ANO2: variants seen among roughly 807,000 people sequenced by gnomAD.
ANO2 encodes anoctamin-2.
In ANO2, 101 loss-of-function variants were observed where a neutral mutation model predicts 124.2. The ratio of observed to expected loss-of-function variants is 0.81; its 90% CI spans 0.69 to 0.96. The LOEUF (loss-of-function observed/expected upper bound fraction) is 0.96, where lower values mean the gene tolerates loss of function less well. Ranked by LOEUF, ANO2 falls within the 40% of genes least tolerant of loss-of-function variation. The pLI is 0.00. For synonymous variants in ANO2, 486 were observed against 482.5 expected (o/e 1.01, Z -0.09); for missense variants, 1,293 against 1,274.5 (o/e 1.01, Z -0.22).
intron 10 of ANO2, among the ~76,000 whole-genome samples, chr12:5,758,772 G>A (rs1023052218): frequency 5.3e-5 from 8 of 152,136 alleles, no homozygotes; most frequent in Non-Finnish European, 1.5e-5. Flanking sequence ...AGGCATGTAG[G>A]CATAATACTA....
intron 10 of ANO2, among the ~76,000 whole-genome samples, chr12:5,763,744 TTTGAAACA>T (rs1012057979): frequency 1.3e-5 from 2 of 151,980 alleles, no homozygotes; most frequent in African/African-American, 4.8e-5. Context: ...ACAAGAAAGT[TTTGAAACA>T]GTAATCAAAG....
chr12:5,707,284 C>T (rs1949649137), intron 14 of ANO2, among the ~76,000 whole-genome samples: 1 of 152,158 alleles, frequency 6.6e-6, no homozygotes, highest in Non-Finnish European at 1.5e-5. Context: ...TTCCTGAGGC[C>T]TCCCCAGCCA....
intron 10 of ANO2, among the ~76,000 whole-genome samples, chr12:5,756,302 T>C (rs941127854): frequency 3.9e-5 from 6 of 152,108 alleles, no homozygotes; most frequent in African/African-American, 1.4e-4. Context: ...TTGCAGCTCA[T>C]TTAAGACAAT....
chr12:5,568,110 T>C lies in ANO2; in HGVS notation c.2622-2447A>G, dbSNP rs553567204. ...ATGCACTAGTATTTTCCTATTCTACTCTATCTGATCCTAACCCACCCTATG... is the reference window on the plus strand; with the variant it reads ...ATGCACTAGTATTTTCCTATTCTACCCTATCTGATCCTAACCCACCCTATG... On this transcript the variant is annotated intron_variant, in intron 23 of 24. Coordinates refer to ENST00000682330, the MANE Select transcript of ANO2 (RefSeq NM_001364791.2). 2.9e-3 allele frequency among the ~76,000 whole-genome samples: 442 copies of C among 151,400 alleles called. 1 individual carries two copies. The highest frequency in any genetic ancestry group is 0.01 in the African/African-American group (425 of 41,270).
intron 3 of ANO2, among the ~76,000 whole-genome samples, chr12:5,913,539 A>G (rs1941183125): frequency 6.6e-6 from 1 of 152,212 alleles, no homozygotes; most frequent in Non-Finnish European, 1.5e-5. Context: ...ATCTCTGTGA[A>G]TTCTGGGGAG....
intron 10 of ANO2, among the ~76,000 whole-genome samples, chr12:5,756,791 T>C (rs1418550184): frequency 6.6e-6 from 1 of 152,250 alleles, no homozygotes. Context: ...TTGGTTTCCA[T>C]GAGCAGTCAA....
chr12:5,575,102 G>C (rs372309107), intron 23 of ANO2, among the ~76,000 whole-genome samples: 14 of 151,844 alleles, frequency 9.2e-5, no homozygotes, highest in African/African-American at 3.4e-4. Context: ...ACAACACCTA[G>C]CTGCCCCTCC....
intron 20 of ANO2, among the ~76,000 whole-genome samples, chr12:5,581,116 G>A (rs1401552061): frequency 6.6e-6 from 1 of 152,170 alleles, no homozygotes; most frequent in Admixed American, 6.5e-5. Context: ...GGGGATGAAT[G>A]GAATTAACAA....
At chr12:5,777,343 G>A (rs1423655385) in intron 10 of ANO2, among the ~76,000 whole-genome samples, 2 of 152,180 alleles carry the variant, frequency 1.3e-5, no homozygotes, top group Non-Finnish European at 2.9e-5. Context: ...TCAAGCATTT[G>A]TCCTTCACCT....
At chr12:5,826,437 CATATATATATATATAT>C (rs10526567) in intron 7 of ANO2, among the ~76,000 whole-genome samples, 1,634 of 144,304 alleles carry the variant, frequency 0.011, 21 homozygotes, top group Middle Eastern at 0.039. Flanking sequence ...TTAATAAACT[CATATATATATATATAT>C]ATATATATAT....
intron 16 of ANO2, among the ~76,000 whole-genome samples, chr12:5,631,363 CCTTGA>C (rs1238292252): frequency 6.6e-6 from 1 of 152,174 alleles, no homozygotes; most frequent in Admixed American, 6.5e-5. Context: ...AAAGCTACCA[CCTTGA>C]AATACCTTTC....
At chr12:5,618,920 G>A (rs1333727007) in intron 16 of ANO2, among the ~76,000 whole-genome samples, 1 of 152,252 alleles carries the variant, frequency 6.6e-6, no homozygotes, top group Non-Finnish European at 1.5e-5. Context: ...GGGAAAGGCT[G>A]CATTGCCATG....
At chr12:5,595,000 A>G (rs1215712649) in intron 20 of ANO2, among the ~76,000 whole-genome samples, 1 of 152,196 alleles carries the variant, frequency 6.6e-6, no homozygotes, top group African/African-American at 2.4e-5. Context: ...CCTCCCACTT[A>G]CAGCTGGAAA....
chr12:5,652,324 C>T (rs990327210), intron 14 of ANO2, among the ~76,000 whole-genome samples: 1 of 151,794 alleles, frequency 6.6e-6, no homozygotes, highest in Non-Finnish European at 1.5e-5. Context: ...TCCCATATAC[C>T]CTGCACCCAG....
At chr12:5,770,369 C>T (rs1952040615) in intron 10 of ANO2, among the ~76,000 whole-genome samples, 1 of 152,098 alleles carries the variant, frequency 6.6e-6, no homozygotes, top group Admixed American at 6.5e-5. Context: ...AACAAGGGTC[C>T]CAAGGTTAAC....
intron 3 of ANO2, among the ~76,000 whole-genome samples, chr12:5,899,446 T>C (rs571587234): frequency 1.3e-5 from 2 of 152,318 alleles, no homozygotes; most frequent in East Asian, 3.9e-4. Context: ...TCCTGTGTCA[T>C]GCAAAGTCAC....
At chr12:5,849,166 T>C (rs185945045) in intron 4 of ANO2, among the ~76,000 whole-genome samples, 2 of 152,260 alleles carry the variant, frequency 1.3e-5, no homozygotes, top group African/African-American at 4.8e-5. Context: ...CTATTAACAA[T>C]AGCTACAAAA....
chr12:5,764,467 C>G (rs1182726390), intron 10 of ANO2, among the ~76,000 whole-genome samples: 1 of 152,180 alleles, frequency 6.6e-6, no homozygotes, highest in East Asian at 1.9e-4. Context: ...CATTCACTAA[C>G]CCAAGGTTGC....
intron 1 of ANO2, among the ~76,000 whole-genome samples, chr12:5,944,785 G>T (rs933477594): frequency 5.3e-5 from 8 of 152,070 alleles, no homozygotes; most frequent in African/African-American, 1.9e-4. Context: ...GCGGACCGTT[G>T]CTGAGTTAAA....
Sources: allele counts gnomAD v4.1 joint callset (sites outside exome capture counted in the v4.1 genomes callset), GRCh38; gene constraint gnomAD v4.1.1; transcripts MANE v1.5; gene names NCBI Gene and HGNC (gene_info 2026-07-23, HGNC 2026-07-21).